Variants in TTC21A observed in about 807,000 individuals in gnomAD.
TTC21A encodes tetratricopeptide repeat domain 21A.
A neutral mutation model predicts 156.4 loss-of-function variants in TTC21A; 128 were observed. The observed-to-expected ratio is 0.82, with a 90% CI of 0.71 to 0.95. The LOEUF is 0.95. TTC21A is among the 40% of genes least tolerant of loss of function. The pLI, the probability that TTC21A is intolerant of heterozygous loss-of-function variation, is 0.00. For synonymous variants in TTC21A, 587 were observed against 617.1 expected (o/e 0.95, Z 0.72); for missense variants, 1,435 against 1,602.3 (o/e 0.90, Z 1.78).
In TTC21A at chr3:39,130,258, C is replaced by T. The variant is rs1320745200; in HGVS notation, c.2219C>T (p.Ala740Val). ...ALMSILEPEK[A>V]LEVYDEAYRQ... ...CACTTTCCCCACCAGCCCGAGAAGG[C>T]CCTGGAGGTCTATGATGAGGCCTAT... is the stretch of plus-strand genomic sequence containing the variant. The change falls in exon 17 of 29, where the codon GCC (alanine) becomes GTC (valine). Residue 740 changes from alanine to valine, a missense_variant. Coordinates refer to ENST00000683103, the MANE Select transcript of TTC21A (RefSeq NM_001366900.1). The surrounding 1 kb of genome is among the most constrained non-coding windows in gnomAD (Gnocchi z 4.5). The T allele has an allele frequency of 6.2e-7, 1 of 1,613,536 alleles. No individual in the cohort carries two copies. Among genetic ancestry groups the T allele is most frequent in the Non-Finnish European group, 8.5e-7 (1 of 1,179,690 alleles).
chr3:39,136,524 G>A lies in TTC21A; in HGVS notation c.3095+17G>A. The A allele has an allele frequency of 6.2e-7, 1 of 1,612,868 alleles. No homozygotes were observed. Among genetic ancestry groups the A allele is most frequent in the Non-Finnish European group, 8.5e-7 (1 of 1,179,226 alleles). On this transcript the variant is annotated intron_variant, in intron 23 of 28. Coordinates refer to ENST00000683103, the MANE Select transcript of TTC21A (RefSeq NM_001366900.1). Reference sequence around the variant, plus strand: ...CTACTGCTGGTGAGTTGGGTGTGGTGTGTTGAGGGGCAGCTGTGTGCAGGA... The same window carrying A: ...CTACTGCTGGTGAGTTGGGTGTGGTATGTTGAGGGGCAGCTGTGTGCAGGA...
intron 5 of TTC21A, among the ~76,000 whole-genome samples, chr3:39,112,938 C>T (rs1443535874): frequency 6.6e-6 from 1 of 152,018 alleles, no homozygotes; most frequent in African/African-American, 2.4e-5. Context: ...TTGACCTTCC[C>T]ATTTCACTTC....
rs927221626 is a variant in TTC21A at position 39,130,893 on chromosome 3, C to T, written c.2458+54C>T. The T allele has an allele frequency of 1.9e-6, 3 of 1,610,392 alleles. No individual in the cohort carries two copies. The highest frequency in any genetic ancestry group is 2.7e-5 in the African/African-American group (2 of 74,846). The stretch of plus-strand genomic sequence containing the variant: ...CATTTGGAGCAGACATACTCCTCCC[C>T]CATTCCCCATTAGCTGAAGTCCTGA... On this transcript the variant is annotated intron_variant, in intron 18 of 28. Transcript: ENST00000683103. This position sits in a 1 kb window ranked among gnomAD's most constrained non-coding sequence, Gnocchi z 4.5.
Position 39,134,857 on chromosome 3 carries a change from C to G in TTC21A, c.2863-236C>G, listed in dbSNP as rs975768152. 5 of 589,644 alleles carry G rather than the reference C, an allele frequency of 8.5e-6. No individual in the cohort carries two copies. Among genetic ancestry groups the G allele is most frequent in the Non-Finnish European group, 1.5e-5 (5 of 330,566 alleles). The allele number at this position is 589,644 out of a possible 1,614,324, so 36.5% of individuals were successfully genotyped here. ...CTAGTCTTACCTTCCCATGTACATC[C>G]TCAACCCAACTCTTCTTGCCCCTCA... is the stretch of plus-strand genomic sequence containing the variant. On this transcript the variant is annotated intron_variant, in intron 21 of 28. Transcript: ENST00000683103. This position sits in a 1 kb window ranked among gnomAD's most constrained non-coding sequence, Gnocchi z 4.6.
Position 39,110,510 on chromosome 3 carries a change from A to T in TTC21A, c.269-341A>T. On this transcript the variant is annotated intron_variant, in intron 3 of 28. Transcript: ENST00000683103. ...GAGTCAGGGAGAGGGTCCAAGAGAG[A>T]CTACAGACTACTATTTCCCTACTCA... 4 of 497,534 alleles carry T rather than the reference A, an allele frequency of 8.0e-6. No homozygotes were observed. In the East Asian group the frequency reaches 1.1e-4, roughly 14 times the overall value. 30.8% of individuals were successfully genotyped at this position (497,534 alleles called of 1,614,324 possible). A position where few individuals can be genotyped will look rare whatever the true frequency, so the allele number is the denominator to read the frequency against.
At chr3:39,132,076 C>A (rs561010220) in intron 19 of TTC21A, among the ~76,000 whole-genome samples, 1 of 152,036 alleles carries the variant, frequency 6.6e-6, no homozygotes, top group Admixed American at 6.5e-5. Flanking sequence ...CTAGTGTAGC[C>A]TATTGCTCTG....
chr3:39,119,975 A>G lies in TTC21A; in HGVS notation c.855A>G (p.Glu285=), dbSNP rs771858210. 41 of 1,610,178 alleles carry G rather than the reference A, an allele frequency of 2.5e-5. 2 individuals are homozygous for G. The South Asian group carries it at 4.2e-4, about 16-fold the overall frequency. The change falls in exon 8 of 29, where the codon GAA becomes GAG. Residue 285 remains glutamate (E), a synonymous_variant. Coordinates refer to ENST00000683103, the MANE Select transcript of TTC21A (RefSeq NM_001366900.1). ...LIKALETREP[E]NPSLHLKKII... Reference sequence around the variant, plus strand: ...AGGCACTAGAGACAAGGGAACCCGAAAATCCAAGCCTCCATCTTAAAAAAA... The same window carrying G: ...AGGCACTAGAGACAAGGGAACCCGAGAATCCAAGCCTCCATCTTAAAAAAA...
At chr3:39,124,221 A>G (rs1047917008) in intron 9 of TTC21A, among the ~76,000 whole-genome samples, 1 of 152,204 alleles carries the variant, frequency 6.6e-6, no homozygotes, top group African/African-American at 2.4e-5. Context: ...GTGAAATTAG[A>G]TGTCCTTCAG....
intron 26 of TTC21A, 45 bp from the exon 27 acceptor site, chr3:39,138,222 T>C (rs775007587): frequency 6.2e-6 from 10 of 1,611,960 alleles, no homozygotes; most frequent in African/African-American, 2.7e-5. Flanking sequence ...AGGGAACCAG[T>C]TGGGGCTTCC....
chr3:39,135,956 G>A (rs1459796000), intron 22 of TTC21A, among the ~76,000 whole-genome samples: 2 of 151,844 alleles, frequency 1.3e-5, no homozygotes, highest in Non-Finnish European at 2.9e-5. Flanking sequence ...TCGGGGGTGG[G>A]CTGAGGCAGG....
intron 13 of TTC21A, 71 bp from the exon 14 acceptor site, chr3:39,128,646 A>T: frequency 6.3e-7 from 1 of 1,575,506 alleles, no homozygotes; most frequent in Non-Finnish European, 8.7e-7. Context: ...GCTTTCTCTG[A>T]CCTGGCTGCT....
rs1336239209 is a variant in TTC21A at position 39,130,152 on chromosome 3, G to T, written c.2208+1G>T. The T allele has an allele frequency of 6.2e-7, 1 of 1,613,848 alleles. No individual in the cohort carries two copies. The highest frequency in any genetic ancestry group is 1.7e-5 in the Admixed American group (1 of 59,982). On this transcript the variant is annotated splice_donor_variant, in intron 16 of 28. Transcript: ENST00000683103. LOFTEE classifies it high-confidence loss of function. The surrounding 1 kb of genome is among the most constrained non-coding windows in gnomAD (Gnocchi z 4.5). ...CGATGCCTTAATGAGCATTCTGGAG[G>T]TAAGTGAGAGGCCTCACAGCCTTGC...
Position 39,128,368 on chromosome 3 carries a change from C to T in TTC21A, c.1560C>T (p.Cys520=), listed in dbSNP as rs1300643423. Reference sequence around the variant, plus strand: ...ATGCCCAGAGCATCCTGCAGCGTTGCCTGGAGCTGGACCCCGCCTCCGTGG... The same window carrying T: ...ATGCCCAGAGCATCCTGCAGCGTTGTCTGGAGCTGGACCCCGCCTCCGTGG... The part of the protein sequence containing the change: ...LENAQSILQR[C]LELDPASVDA... Residue 520 remains cysteine (C), a synonymous_variant, in exon 13 of 29, where the codon TGC becomes TGT. Coordinates refer to ENST00000683103, the MANE Select transcript of TTC21A (RefSeq NM_001366900.1). 7 of 1,614,056 alleles carry T rather than the reference C, an allele frequency of 4.3e-6. No individual in the cohort carries two copies. In the Admixed American group the frequency reaches 5.0e-5, roughly 12 times the overall value.
In TTC21A at chr3:39,125,510, A is replaced by T; in HGVS notation, c.1370A>T (p.Tyr457Phe). The T allele has an allele frequency of 1.2e-6, 2 of 1,613,646 alleles. No homozygotes were observed. Among genetic ancestry groups the T allele is most frequent in the Admixed American group, 1.7e-5 (1 of 60,030 alleles). Reference protein sequence around the residue: ...PYFLVCIAKEYLLFCPKQPRL... With the variant: ...PYFLVCIAKEFLLFCPKQPRL... Reference sequence around the variant, plus strand: ...TTCCTGGTCTGCATTGCTAAGGAGTACTTGCTCTTCTGCCCCAAGCAGGTT... The same window carrying T: ...TTCCTGGTCTGCATTGCTAAGGAGTTCTTGCTCTTCTGCCCCAAGCAGGTT... Residue 457 changes from tyrosine to phenylalanine, a missense_variant, in exon 11 of 29, where the codon TAC becomes TTC. By Grantham distance (22) the Tyr-to-Phe change is conservative. Transcript: ENST00000683103.
chr3:39,119,899 C>T (rs2037613433), intron 7 of TTC21A, 23 bp from the exon 8 acceptor site: 3 of 1,527,802 alleles, frequency 2.0e-6, no homozygotes, highest in Non-Finnish European at 2.7e-6. Context: ...TGCATGTTGA[C>T]ATTCTCTGTT....
Position 39,134,521 on chromosome 3 carries a change from CA to C in TTC21A, c.2862+194del. On this transcript the variant is annotated intron_variant, in intron 21 of 28. Transcript: ENST00000683103. The surrounding 1 kb of genome is among the most constrained non-coding windows in gnomAD (Gnocchi z 4.6). ...TAGCCGGAAGCGGTAGGCTGGCTGG[CA>C]GTGGGCAGCATCAATCTCCTGGGCC... The C allele has an allele frequency of 1.5e-6, 1 of 657,636 alleles. No homozygotes were observed. Among genetic ancestry groups the C allele is most frequent in the Non-Finnish European group, 2.8e-6 (1 of 358,082 alleles). The allele number at this position is 657,636 out of a possible 1,614,324, so 40.7% of individuals were successfully genotyped here. A position where few individuals can be genotyped will look rare whatever the true frequency, so the allele number is the denominator to read the frequency against.
chr3:39,134,187 A>T lies in TTC21A; in HGVS notation c.2752-31A>T. 1 of 1,417,180 alleles carries T rather than the reference A, an allele frequency of 7.1e-7. No homozygotes were observed. The highest frequency in any genetic ancestry group is 1.0e-6 in the Non-Finnish European group (1 of 1,000,752). The allele number at this position is 1,417,180 out of a possible 1,614,324, so 87.8% of individuals were successfully genotyped here. Reference sequence around the variant, plus strand: ...CCAGGGGTTTCCCATGGTGTTTACTAGTTAGTTTATTATATCCGGCCTTGT... The same window carrying T: ...CCAGGGGTTTCCCATGGTGTTTACTTGTTAGTTTATTATATCCGGCCTTGT... On this transcript the variant is annotated intron_variant, in intron 20 of 28. Transcript: ENST00000683103. This position sits in a 1 kb window ranked among gnomAD's most constrained non-coding sequence, Gnocchi z 4.6.
intron 6 of TTC21A, among the ~76,000 whole-genome samples, chr3:39,116,899 G>GA (rs2037340768): frequency 6.6e-6 from 1 of 152,186 alleles, no homozygotes; most frequent in East Asian, 1.9e-4. Context: ...GTAGAGATGG[G>GA]ATCTCACTGT....
intron 22 of TTC21A, among the ~76,000 whole-genome samples, chr3:39,136,006 C>T (rs192204865): frequency 9.2e-4 from 138 of 150,330 alleles, no homozygotes; most frequent in African/African-American, 3.2e-3. Flanking sequence ...TGCAGTGAGC[C>T]GAGATCACGC....
Sources: gnomAD v4.1 joint callset for allele counts (sites outside exome capture counted in the v4.1 genomes callset) on GRCh38, gnomAD v4.1.1 for gene constraint, Gnocchi (gnomAD v3.1) non-coding constraint, MANE v1.5 for transcripts, NCBI Gene and HGNC (gene_info 2026-07-23, HGNC 2026-07-21) for gene names.